The following RNF20 variants were observed in gnomAD, a reference collection of about 807,000 sequenced individuals.
The protein encoded by RNF20 is E3 ubiquitin-protein ligase BRE1A.
A neutral mutation model predicts 126.2 loss-of-function variants in RNF20; 84 were observed. The observed-to-expected ratio is 0.67, with a 90% CI of 0.56 to 0.80. RNF20 has a LOEUF of 0.80. RNF20 is among the 30% of genes least tolerant of loss of function. The probability of loss-of-function intolerance (pLI) is 0.00; values close to 1 mark genes in which losing one functional copy is unlikely to be tolerated. For synonymous variants in RNF20, 400 were observed against 414.3 expected, an observed-to-expected ratio of 0.97 and a Z score of 0.42; for missense variants, 869 against 1,188.2, an observed-to-expected ratio of 0.73 and a Z score of 3.95.
At chr9:101,541,937 A>G (rs1827264709) in intron 5 of RNF20, among the ~76,000 whole-genome samples, 2 of 152,314 alleles carry the variant, frequency 1.3e-5, no homozygotes, top group African/African-American at 4.8e-5. Context: ...ATCTTTAGTC[A>G]TTTGTGGCAT....
At chr9:101,554,964 CT>C in intron 15 of RNF20, 121 bp downstream of exon 15, 1 of 638,358 alleles carries the variant, frequency 1.6e-6, no homozygotes. Context: ...TGTATTTTTC[CT>C]TTTTGTGTGT....
Position 101,557,379 on chromosome 9 carries a change from T to A in RNF20, c.2170-5T>A. The A allele has an allele frequency of 6.2e-7, 1 of 1,608,870 alleles. No individual in the cohort carries two copies. Among genetic ancestry groups the A allele is most frequent in the Non-Finnish European group, 8.5e-7 (1 of 1,175,526 alleles). On this transcript the variant is annotated splice_region_variant and splice_polypyrimidine_tract_variant and intron_variant, in intron 15 of 19. Transcript: ENST00000389120. ...TAAAATCAAATCTCTTCCTTCATCC[T>A]TTAGGAAGAAGAAGCACTCCTCTCT...
chr9:101,536,535 A>C (rs1162531065), intron 2 of RNF20, among the ~76,000 whole-genome samples: 1 of 152,174 alleles, frequency 6.6e-6, no homozygotes, highest in Non-Finnish European at 1.5e-5. Flanking sequence ...TATTGCTGGC[A>C]GGAAGTGATT....
chr9:101,552,196 C>T lies in RNF20; in HGVS notation c.1464C>T (p.His488=). ...TCAGTAGCCTCCAGAATCACAATCA[C>T]CAGCTGAAAGGGGAGGTCCTGAGAT... The part of the protein sequence containing the change: ...HLISSLQNHN[H]QLKGEVLRYK... Residue 488 remains histidine (H), a synonymous_variant, in exon 12 of 20, where the codon CAC becomes CAT. Transcript: ENST00000389120. 1.9e-6 allele frequency: 3 copies of T among 1,614,076 alleles called. No individual in the cohort carries two copies. Among genetic ancestry groups the T allele is most frequent in the African/African-American group, 1.3e-5 (1 of 75,002 alleles).
chr9:101,547,092 A>G, intron 7 of RNF20, 45 bp from the exon 8 acceptor site: 1 of 1,607,254 alleles, frequency 6.2e-7, no homozygotes, highest in Non-Finnish European at 8.5e-7. Context: ...TTATAGACTG[A>G]AATCTTAAGA....
chr9:101,540,671 C>A lies in RNF20; in HGVS notation c.445+34C>A, dbSNP rs750591860. 9.3e-6 allele frequency: 15 copies of A among 1,609,592 alleles called. 1 individual carries two copies. In the South Asian group the frequency reaches 1.3e-4, roughly 14 times the overall value. On this transcript the variant is annotated intron_variant, in intron 4 of 19. Coordinates refer to ENST00000389120, the MANE Select transcript of RNF20 (RefSeq NM_019592.7). ...TCGTGATGGATTCTATCACTGCATG[C>A]TATCTGGGTTTTTAAAGTAGAGCTC...
At chr9:101,534,798 G>T (rs966433331) in intron 1 of RNF20, among the ~76,000 whole-genome samples, 3 of 151,970 alleles carry the variant, frequency 2.0e-5, no homozygotes, top group African/African-American at 7.3e-5. Flanking sequence ...AGAGATTCCA[G>T]AACTTTATTT....
chr9:101,546,952 G>T lies in RNF20; in HGVS notation c.880G>T (p.Glu294Ter). The T allele has an allele frequency of 6.2e-7, 1 of 1,614,084 alleles. No homozygotes were observed. ...REQRLNRHLA[E>*]VLERVNSKGY... ...ACAGCGACTCAACCGACACTTAGCA[G>T]AAGTCCTAGAACGGGTCAGTGCTGT... is the stretch of plus-strand genomic sequence containing the variant. The change falls in exon 7 of 20, where the codon GAA (glutamate) becomes TAA (stop). Residue 294 changes from glutamate to a stop codon, truncating the protein, a stop_gained. Coordinates refer to ENST00000389120, the MANE Select transcript of RNF20 (RefSeq NM_019592.7). LOFTEE classifies it high-confidence loss of function.
At chr9:101,535,268 A>G in intron 1 of RNF20, 130 bp from the exon 2 acceptor site, 1 of 512,620 alleles carries the variant, frequency 2.0e-6, no homozygotes, top group Non-Finnish European at 3.2e-6. Context: ...AAATATGGAG[A>G]TGGTTGTGGA....
intron 16 of RNF20, among the ~76,000 whole-genome samples, chr9:101,560,037 T>C (rs984788933): frequency 6.6e-6 from 1 of 152,230 alleles, no homozygotes; most frequent in Non-Finnish European, 1.5e-5. Context: ...GGCTGTGGGA[T>C]TGTCATAGAT....
chr9:101,559,975 T>C (rs1308691036), intron 16 of RNF20, among the ~76,000 whole-genome samples: 1 of 152,190 alleles, frequency 6.6e-6, no homozygotes, highest in African/African-American at 2.4e-5. Flanking sequence ...CTGTGTCTTG[T>C]TCCAGTTCTC....
At chr9:101,552,062 T>G in intron 11 of RNF20, 79 bp from the exon 12 acceptor site, 2 of 1,567,070 alleles carry the variant, frequency 1.3e-6, no homozygotes, top group South Asian at 2.2e-5. Context: ...CAGTGCCTCC[T>G]GATGTGTTCT....
chr9:101,547,868 AG>A (rs1827377756), intron 9 of RNF20, among the ~76,000 whole-genome samples: 1 of 152,226 alleles, frequency 6.6e-6, no homozygotes, highest in African/African-American at 2.4e-5. Context: ...AGAAAGGAAG[AG>A]GTAAAGTTGT....
At chr9:101,561,493 A>G (rs768415378) in intron 18 of RNF20, 56 of 453,724 alleles carry the variant, frequency 1.2e-4, no homozygotes, top group Non-Finnish European at 1.3e-4. Context: ...GCATAGCAGC[A>G]GTAGAGGATT....
chr9:101,560,980 C>T (rs1827617644), intron 17 of RNF20, 54 bp downstream of exon 17: 6 of 1,600,378 alleles, frequency 3.7e-6, no homozygotes, highest in Non-Finnish European at 5.1e-6. Context: ...ATAAGTATAA[C>T]ACTGTTGAGA....
chr9:101,543,273 C>T (rs1827285711), intron 5 of RNF20, among the ~76,000 whole-genome samples: 1 of 152,186 alleles, frequency 6.6e-6, no homozygotes. Flanking sequence ...TCTAACCTGC[C>T]ACGGCAGTAC....
chr9:101,560,230 G>A (rs1447319016), intron 16 of RNF20, among the ~76,000 whole-genome samples: 2 of 152,156 alleles, frequency 1.3e-5, no homozygotes, highest in Non-Finnish European at 2.9e-5. Context: ...AACCATCCCT[G>A]TATCCCTGGT....
intron 5 of RNF20, among the ~76,000 whole-genome samples, chr9:101,543,698 A>G (rs1004479722): frequency 6.6e-6 from 1 of 152,268 alleles, no homozygotes; most frequent in Non-Finnish European, 1.5e-5. Context: ...TTATAAATTC[A>G]CTAAACATTT....
chr9:101,557,754 A>G, intron 16 of RNF20, among the ~76,000 whole-genome samples, 158 bp downstream of exon 16: 1 of 152,234 alleles, frequency 6.6e-6, no homozygotes, highest in Non-Finnish European at 1.5e-5. Flanking sequence ...TAAATTATAC[A>G]TCTCTACTGT....
Sources: gnomAD v4.1 joint callset for allele counts (sites outside exome capture counted in the v4.1 genomes callset) on GRCh38, gnomAD v4.1.1 for gene constraint, MANE v1.5 for transcripts, NCBI Gene and HGNC (gene_info 2026-07-23, HGNC 2026-07-21) for gene names.